GRAMD2B: variants seen among roughly 807,000 people sequenced by gnomAD.
GRAMD2B encodes the protein GRAM domain containing 2B, also known as GRAM domain-containing protein 2B.
GRAMD2B carries 41 observed loss-of-function variants against 59.2 expected under a neutral mutation model. The observed-to-expected ratio is 0.69, with a 90% CI of 0.54 to 0.90. The LOEUF (loss-of-function observed/expected upper bound fraction) is 0.90, where lower values mean the gene tolerates loss of function less well. Ranked by LOEUF, GRAMD2B falls within the 40% of genes least tolerant of loss-of-function variation. The pLI is 0.00. For missense variants in GRAMD2B, 424 were observed against 500.5 expected (o/e 0.85, Z 1.46); for synonymous variants, 161 against 182.7 (o/e 0.88, Z 0.96).
intron 1 of GRAMD2B, among the ~76,000 whole-genome samples, chr5:126,382,562 A>T (rs554755662): frequency 1.4e-4 from 21 of 151,934 alleles, no homozygotes; most frequent in Non-Finnish European, 2.6e-4. Flanking sequence ...TATTTATGCT[A>T]TCTGTTTCTC....
At chr5:126,382,094 T>G (rs1308210385) in intron 1 of GRAMD2B, among the ~76,000 whole-genome samples, 3 of 152,206 alleles carry the variant, frequency 2.0e-5, no homozygotes, top group African/African-American at 4.8e-5. Context: ...TTAGGTTACC[T>G]GATGCTTTTG....
intron 1 of GRAMD2B, among the ~76,000 whole-genome samples, chr5:126,446,603 C>T (rs1215604860): frequency 2.8e-5 from 4 of 143,292 alleles, no homozygotes; most frequent in Non-Finnish European, 6.0e-5. Flanking sequence ...GTTTACATTC[C>T]CCAAGCTTTT....
At chr5:126,481,970 C>CAAAAAAA (rs34641412) in intron 8 of GRAMD2B, among the ~76,000 whole-genome samples, 1 of 98,130 alleles carries the variant, frequency 1.0e-5, no homozygotes. Context: ...GACTCCATCT[C>CAAAAAAA]AAAAAAAAAA....
At chr5:126,393,367 G>C (rs1397255379) in intron 1 of GRAMD2B, among the ~76,000 whole-genome samples, 2 of 152,098 alleles carry the variant, frequency 1.3e-5, no homozygotes, top group African/African-American at 4.8e-5. Flanking sequence ...ACATGTACCT[G>C]CATCTTCCAA....
upstream of GRAMD2B, among the ~76,000 whole-genome samples, chr5:126,367,166 G>C (rs533613675): frequency 4.6e-4 from 70 of 152,060 alleles, no homozygotes; most frequent in African/African-American, 1.6e-3. Context: ...CCAGACCAAG[G>C]CTTTTTTTAT....
chr5:126,377,944 T>C (rs548901905), intron 1 of GRAMD2B, among the ~76,000 whole-genome samples: 1 of 152,354 alleles, frequency 6.6e-6, no homozygotes, highest in Non-Finnish European at 1.5e-5. Context: ...ATTCTTTTTA[T>C]TGCCTAGTCA....
intron 1 of GRAMD2B, among the ~76,000 whole-genome samples, chr5:126,390,548 G>A (rs1053679746): frequency 5.3e-5 from 8 of 152,164 alleles, no homozygotes; most frequent in Non-Finnish European, 8.8e-5. Flanking sequence ...GTTTATTGCT[G>A]AAACCAGAAG....
chr5:126,394,274 CAAA>C (rs372281197), intron 1 of GRAMD2B, among the ~76,000 whole-genome samples: 2 of 119,034 alleles, frequency 1.7e-5, no homozygotes, highest in Non-Finnish European at 3.6e-5. Flanking sequence ...GACTCTGTCT[CAAA>C]AAAAAAAAAA....
chr5:126,393,345 A>G (rs1224283981), intron 1 of GRAMD2B, among the ~76,000 whole-genome samples: 1 of 152,240 alleles, frequency 6.6e-6, no homozygotes, highest in Non-Finnish European at 1.5e-5. Flanking sequence ...AAATTTTTAC[A>G]TGTTTGCATA....
chr5:126,442,177 C>G (rs181936020), intron 1 of GRAMD2B, among the ~76,000 whole-genome samples: 115 of 151,874 alleles, frequency 7.6e-4, no homozygotes, highest in Non-Finnish European at 1.3e-3. Flanking sequence ...AGCACATTCA[C>G]CCACTAACTC....
At chr5:126,419,498 T>C (rs1457785695), upstream of GRAMD2B, among the ~76,000 whole-genome samples, 2 of 152,114 alleles carry the variant, frequency 1.3e-5, no homozygotes, top group East Asian at 3.8e-4. Flanking sequence ...CAATTCAACA[T>C]GAGATTTGGG....
intron 1 of GRAMD2B, among the ~76,000 whole-genome samples, chr5:126,374,841 A>T (rs567005846): frequency 2.0e-5 from 3 of 152,316 alleles, no homozygotes; most frequent in African/African-American, 7.2e-5. Context: ...AATTACCATC[A>T]CTTTATAATA....
At chr5:126,456,157 G>A (rs906806016) in intron 1 of GRAMD2B, among the ~76,000 whole-genome samples, 1 of 152,118 alleles carries the variant, frequency 6.6e-6, no homozygotes, top group African/African-American at 2.4e-5. Context: ...CATTAAAATT[G>A]TATAATGAGC....
intron 1 of GRAMD2B, among the ~76,000 whole-genome samples, chr5:126,364,693 T>C (rs749914076): frequency 1.3e-5 from 2 of 152,246 alleles, no homozygotes; most frequent in Non-Finnish European, 2.9e-5. Flanking sequence ...GTGATAGATC[T>C]ATAACAGGAA....
intron 1 of GRAMD2B, among the ~76,000 whole-genome samples, chr5:126,442,432 C>T (rs1388724218): frequency 6.6e-6 from 1 of 151,800 alleles, no homozygotes; most frequent in African/African-American, 2.4e-5. Context: ...CCTGGGATTA[C>T]AGGCGCCCAC....
At chr5:126,378,743 T>C (rs1755414357) in intron 1 of GRAMD2B, among the ~76,000 whole-genome samples, 1 of 152,338 alleles carries the variant, frequency 6.6e-6, no homozygotes, top group East Asian at 1.9e-4. Flanking sequence ...TGACTGCCTG[T>C]TATCAGCCCC....
chr5:126,403,747 C>T (rs1422279105), intron 1 of GRAMD2B, among the ~76,000 whole-genome samples: 2 of 151,928 alleles, frequency 1.3e-5, no homozygotes, highest in Non-Finnish European at 2.9e-5. Flanking sequence ...TATCTCCACA[C>T]ACTGAAAGAC....
intron 5 of GRAMD2B, among the ~76,000 whole-genome samples, chr5:126,474,682 T>C (rs943870331): frequency 6.6e-6 from 1 of 152,184 alleles, no homozygotes; most frequent in African/African-American, 2.4e-5. Flanking sequence ...AGTATTAGTC[T>C]TTGTTAAGGG....
intron 2 of GRAMD2B, chr5:126,467,774 A>G (rs1020472791): frequency 3.3e-5 from 5 of 152,224 alleles, no homozygotes; most frequent in South Asian, 2.1e-4. Context: ...AATAGCTTCA[A>G]TGGCCTGTAT....
Sources: allele counts gnomAD v4.1 joint callset (sites outside exome capture counted in the v4.1 genomes callset), GRCh38; gene constraint gnomAD v4.1.1; transcripts MANE v1.5; gene names NCBI Gene and HGNC (gene_info 2026-07-23, HGNC 2026-07-21).